The following CDKAL1 variants were observed in gnomAD, a reference collection of about 807,000 sequenced individuals.
CDKAL1 encodes the protein threonylcarbamoyladenosine tRNA methylthiotransferase.
Under a neutral mutation model 68.2 loss-of-function variants are expected in CDKAL1, and 32 were observed. The observed-to-expected ratio is 0.47, with a 90% CI of 0.35 to 0.63. The LOEUF is 0.63. Ranked by LOEUF, CDKAL1 falls within the 30% of genes least tolerant of loss-of-function variation. The pLI, the probability that CDKAL1 is intolerant of heterozygous loss-of-function variation, is 0.00. For synonymous variants in CDKAL1, 234 were observed against 244.3 expected (o/e 0.96, Z 0.39); for missense variants, 606 against 696.7 (o/e 0.87, Z 1.47).
At chr6:20,725,840 T>C (rs1772628193) in intron 5 of CDKAL1, among the ~76,000 whole-genome samples, 1 of 151,892 alleles carries the variant, frequency 6.6e-6, no homozygotes, top group Admixed American at 6.6e-5. Context: ...TCTAACCTTT[T>C]TTCTCTCTTG....
intron 15 of CDKAL1, among the ~76,000 whole-genome samples, chr6:21,208,186 C>A (rs898167): frequency 0.4 from 61,214 of 151,734 alleles, 13,246 homozygotes; most frequent in African/African-American, 0.57. Flanking sequence ...ATAGCTCAGC[C>A]CTGACACAGC....
At chr6:21,133,478 C>T (rs966768451) in intron 13 of CDKAL1, among the ~76,000 whole-genome samples, 3 of 152,128 alleles carry the variant, frequency 2.0e-5, no homozygotes, top group Non-Finnish European at 2.9e-5. Context: ...ATGTTCTTGG[C>T]GTTTTCTGCC....
In CDKAL1 at chr6:20,846,031, A is replaced by G. The variant is rs371074967; in HGVS notation, c.639-44A>G. The stretch of plus-strand genomic sequence containing the variant: ...GGTATCCCCATGTTAAGTATATGCT[A>G]TCTTTAGAAATTTGAGTCTTATTTA... On this transcript the variant is annotated intron_variant, in intron 8 of 15. Coordinates refer to ENST00000274695, the MANE Select transcript of CDKAL1 (RefSeq NM_017774.3). The G allele has an allele frequency of 5.0e-5, 62 of 1,237,508 alleles. No individual in the cohort carries two copies. In the African/African-American group the frequency reaches 5.8e-4, roughly 12 times the overall value. 76.7% of individuals were successfully genotyped at this position (1,237,508 alleles called of 1,614,324 possible). A position where few individuals can be genotyped will look rare whatever the true frequency, so the allele number is the denominator to read the frequency against.
chr6:20,676,224 A>G (rs1218529846), intron 5 of CDKAL1, among the ~76,000 whole-genome samples: 1 of 152,134 alleles, frequency 6.6e-6, no homozygotes, highest in Admixed American at 6.6e-5. Flanking sequence ...TAATAATTTT[A>G]GTGTAGTCTA....
At chr6:21,043,625 A>G (rs1034717165) in intron 11 of CDKAL1, among the ~76,000 whole-genome samples, 3 of 152,130 alleles carry the variant, frequency 2.0e-5, no homozygotes, top group African/African-American at 7.2e-5. Flanking sequence ...GTTATTCATC[A>G]TCCCTATTTT....
intron 11 of CDKAL1, among the ~76,000 whole-genome samples, chr6:21,007,527 G>A (rs755901119): frequency 3.5e-5 from 5 of 143,502 alleles, no homozygotes; most frequent in Non-Finnish European, 7.5e-5. Context: ...ATGAATTAAT[G>A]CATACTGGAA....
intron 8 of CDKAL1, among the ~76,000 whole-genome samples, chr6:20,816,120 T>TC (rs113420828): frequency 3.0e-4 from 26 of 86,538 alleles, no homozygotes; most frequent in Middle Eastern, 4.9e-3. Context: ...CCTTAATATG[T>TC]CCCCCCCCCC....
intron 12 of CDKAL1, among the ~76,000 whole-genome samples, chr6:21,065,676 CTT>C (rs200076110): frequency 2.3e-5 from 3 of 133,232 alleles, no homozygotes; most frequent in African/African-American, 5.7e-5. Flanking sequence ...ATCTTTCTAC[CTT>C]TTTTTTTTTT....
chr6:20,690,056 A>G (rs1349854155), intron 5 of CDKAL1, among the ~76,000 whole-genome samples: 1 of 152,222 alleles, frequency 6.6e-6, no homozygotes. Flanking sequence ...CTCCTTGTGT[A>G]ATGGTTACCA....
rs1561963308 is a variant in CDKAL1 at position 20,609,394 on chromosome 6, TC to T, written c.287-39898del. Among the ~76,000 whole-genome samples, 143 of 110,540 alleles carry T rather than the reference TC, an allele frequency of 1.3e-3. 1 individual carries two copies. Among genetic ancestry groups the T allele is most frequent in the African/African-American group, 4.0e-3 (124 of 30,896 alleles). The allele number at this position is 110,540 out of a possible 152,430, so 72.5% of individuals were successfully genotyped here. On this transcript the variant is annotated intron_variant, in intron 4 of 15. Coordinates refer to ENST00000274695, the MANE Select transcript of CDKAL1 (RefSeq NM_017774.3). ...TTCTCCTTCTTCTTCTTCTTCTTCT[TC>T]TTCTTCTTTTTTTTTTTTGAGATGG... is the stretch of plus-strand genomic sequence containing the variant.
At chr6:20,538,804 C>G (rs1008629525) in intron 2 of CDKAL1, among the ~76,000 whole-genome samples, 1 of 152,128 alleles carries the variant, frequency 6.6e-6, no homozygotes, top group Non-Finnish European at 1.5e-5. Flanking sequence ...TGTAGAATTT[C>G]CTGCTGTGTC....
chr6:21,050,332 C>A (rs141196202), intron 11 of CDKAL1, among the ~76,000 whole-genome samples: 1 of 152,312 alleles, frequency 6.6e-6, no homozygotes, highest in Non-Finnish European at 1.5e-5. Flanking sequence ...TGCCTGGGCC[C>A]CACTCAGCCA....
At chr6:20,918,343 C>A (rs1250180878) in intron 9 of CDKAL1, among the ~76,000 whole-genome samples, 1 of 152,160 alleles carries the variant, frequency 6.6e-6, no homozygotes, top group Non-Finnish European at 1.5e-5. Flanking sequence ...TACAGCAATA[C>A]CATTCAACTA....
intron 9 of CDKAL1, among the ~76,000 whole-genome samples, chr6:20,929,033 A>C (rs780627047): frequency 1.3e-5 from 2 of 152,182 alleles, no homozygotes; most frequent in African/African-American, 2.4e-5. Context: ...TTACATCTTC[A>C]AGTGAAAGTA....
chr6:20,637,601 T>C (rs1767966702), intron 4 of CDKAL1, among the ~76,000 whole-genome samples: 1 of 152,158 alleles, frequency 6.6e-6, no homozygotes, highest in Admixed American at 6.5e-5. Flanking sequence ...AGCAGGAAGA[T>C]GTATTAAGAA....
At chr6:20,616,063 T>C (rs1766881488) in intron 4 of CDKAL1, among the ~76,000 whole-genome samples, 1 of 148,286 alleles carries the variant, frequency 6.7e-6, no homozygotes, top group Admixed American at 6.7e-5. Context: ...CTTGTTTTTC[T>C]CAGGTTTGTC....
intron 9 of CDKAL1, among the ~76,000 whole-genome samples, chr6:20,944,854 GTGTTT>G (rs1308733727): frequency 6.6e-6 from 1 of 152,152 alleles, no homozygotes; most frequent in African/African-American, 2.4e-5. Flanking sequence ...AATGTTTGTA[GTGTTT>G]TGTTCTTAGA....
chr6:20,961,098 GAGTA>G (rs1344663005), intron 10 of CDKAL1, among the ~76,000 whole-genome samples: 2 of 152,174 alleles, frequency 1.3e-5, no homozygotes, highest in Non-Finnish European at 2.9e-5. Context: ...GTAAGGAAAA[GAGTA>G]AGTATCTGGA....
chr6:20,985,341 T>A (rs938315999), intron 10 of CDKAL1, among the ~76,000 whole-genome samples: 1 of 152,232 alleles, frequency 6.6e-6, no homozygotes, highest in Non-Finnish European at 1.5e-5. Flanking sequence ...TTGCCCAGGC[T>A]GGAGTGCAGT....
Sources: gnomAD v4.1 joint callset for allele counts (sites outside exome capture counted in the v4.1 genomes callset) on GRCh38, gnomAD v4.1.1 for gene constraint, MANE v1.5 for transcripts, NCBI Gene and HGNC (gene_info 2026-07-23, HGNC 2026-07-21) for gene names.